The following PRKCE variants were observed in gnomAD, a reference collection of about 807,000 sequenced individuals.
The protein encoded by PRKCE is protein kinase C epsilon type.
Under a neutral mutation model 85.4 loss-of-function variants are expected in PRKCE, and 16 were observed. That is an observed-to-expected ratio of 0.19 (90% CI 0.13 to 0.28). PRKCE has a LOEUF of 0.28. Among genes scored for constraint, PRKCE ranks in the 10% least tolerant of loss-of-function variants. The pLI is 1.00. For synonymous variants in PRKCE, 388 were observed against 371.5 expected, an observed-to-expected ratio of 1.04 and a Z score of -0.51; for missense variants, 573 against 975.2, an observed-to-expected ratio of 0.59 and a Z score of 5.49.
At chr2:46,010,792 C>T (rs1328180994) in intron 10 of PRKCE, 2 of 1,590,906 alleles carry the variant, frequency 1.3e-6, no homozygotes, top group African/African-American at 2.7e-5. Flanking sequence ...ACTGTTTGCT[C>T]ATTGGAAAAA....
chr2:46,146,850 G>C (rs1409081530), intron 12 of PRKCE, among the ~76,000 whole-genome samples: 2 of 152,196 alleles, frequency 1.3e-5, no homozygotes, highest in Admixed American at 1.3e-4. Context: ...CTAGATCATA[G>C]GGTTTCCTGG....
intron 11 of PRKCE, among the ~76,000 whole-genome samples, chr2:46,088,431 C>A (rs1036581498): frequency 6.6e-6 from 1 of 152,154 alleles, no homozygotes; most frequent in African/African-American, 2.4e-5. Flanking sequence ...GTGAAGAAAT[C>A]GCAATTTGAG....
chr2:45,687,462 A>G (rs745852366), intron 1 of PRKCE, among the ~76,000 whole-genome samples: 9 of 152,246 alleles, frequency 5.9e-5, no homozygotes, highest in Non-Finnish European at 1.2e-4. Flanking sequence ...ACATCCATGC[A>G]TAATGGGAAC....
chr2:45,718,689 A>G (rs1339044947), intron 1 of PRKCE, among the ~76,000 whole-genome samples: 1 of 152,100 alleles, frequency 6.6e-6, no homozygotes, highest in African/African-American at 2.4e-5. Flanking sequence ...AGTCAGGAAA[A>G]TTGTGTGTTA....
At chr2:46,144,256 G>C (rs1053890410) in intron 11 of PRKCE, among the ~76,000 whole-genome samples, 1 of 152,152 alleles carries the variant, frequency 6.6e-6, no homozygotes, top group African/African-American at 2.4e-5. Flanking sequence ...TGCCTTCCTT[G>C]CTGCCTCCAG....
At chr2:45,836,675 G>T (rs1248972642) in intron 1 of PRKCE, among the ~76,000 whole-genome samples, 1 of 152,126 alleles carries the variant, frequency 6.6e-6, no homozygotes, top group Non-Finnish European at 1.5e-5. Flanking sequence ...CCCTGCTTTG[G>T]GAACCAGTCC....
At chr2:46,057,758 A>G (rs558255217) in intron 10 of PRKCE, among the ~76,000 whole-genome samples, 1 of 151,970 alleles carries the variant, frequency 6.6e-6, no homozygotes, top group African/African-American at 2.4e-5. Context: ...TTTAATTTGT[A>G]TTTTTTCTCA....
chr2:45,914,203 G>T (rs1019882536), intron 2 of PRKCE, among the ~76,000 whole-genome samples: 1 of 152,210 alleles, frequency 6.6e-6, no homozygotes, highest in Non-Finnish European at 1.5e-5. Flanking sequence ...TAATTAGGAA[G>T]ATAAATTCAT....
chr2:45,835,825 C>A (rs925096690), intron 1 of PRKCE, among the ~76,000 whole-genome samples: 1 of 152,042 alleles, frequency 6.6e-6, no homozygotes, highest in Non-Finnish European at 1.5e-5. Context: ...GAACTCCTGG[C>A]TTGAAGCGAT....
chr2:45,758,753 G>A (rs1457229258), intron 1 of PRKCE, among the ~76,000 whole-genome samples: 1 of 152,156 alleles, frequency 6.6e-6, no homozygotes, highest in Non-Finnish European at 1.5e-5. Flanking sequence ...TATGTCCCCT[G>A]AGCCTAGGAC....
intron 1 of PRKCE, among the ~76,000 whole-genome samples, chr2:45,678,730 C>T (rs137950855): frequency 2.6e-5 from 4 of 151,910 alleles, no homozygotes; most frequent in East Asian, 3.9e-4. Flanking sequence ...AGCTCAGCCT[C>T]GATGGACTCT....
At chr2:45,750,573 A>G (rs1435788832) in intron 1 of PRKCE, among the ~76,000 whole-genome samples, 2 of 152,162 alleles carry the variant, frequency 1.3e-5, no homozygotes, top group African/African-American at 4.8e-5. Context: ...GACTTCTCTG[A>G]GTCTGTCAAG....
At chr2:46,132,541 C>A (rs1286359128) in intron 11 of PRKCE, among the ~76,000 whole-genome samples, 1 of 152,196 alleles carries the variant, frequency 6.6e-6, no homozygotes, top group African/African-American at 2.4e-5. Flanking sequence ...GTAAACTCTA[C>A]CAGATTATGT....
chr2:45,961,533 T>A (rs1701377527), intron 2 of PRKCE, among the ~76,000 whole-genome samples: 1 of 152,186 alleles, frequency 6.6e-6, no homozygotes, highest in South Asian at 2.1e-4. Context: ...TTGGCACATT[T>A]CACACCCTTT....
intron 1 of PRKCE, among the ~76,000 whole-genome samples, chr2:45,832,659 A>G (rs1690530519): frequency 6.6e-6 from 1 of 152,196 alleles, no homozygotes; most frequent in Admixed American, 6.5e-5. Flanking sequence ...ATGACAGCTC[A>G]CAACGTGTTC....
rs1702775554 is a variant in PRKCE at position 45,980,223 on chromosome 2, C to G, written c.608-73C>G. 4.1e-6 allele frequency: 6 copies of G among 1,454,870 alleles called. No homozygotes were observed. In the East Asian group the frequency reaches 9.2e-5, roughly 22 times the overall value. The allele number at this position is 1,454,870 out of a possible 1,614,324, so 90.1% of individuals were successfully genotyped here. On this transcript the variant is annotated intron_variant, in intron 4 of 14. Transcript: ENST00000306156. ...TGGCTCCCCTTGTCACTCCACCAAG[C>G]CCTGAATAGATCCTGGGAGGGACAC...
At chr2:45,736,101 C>T (rs1462002147) in intron 1 of PRKCE, among the ~76,000 whole-genome samples, 1 of 152,138 alleles carries the variant, frequency 6.6e-6, no homozygotes, top group Non-Finnish European at 1.5e-5. Context: ...CCTGGGATTA[C>T]AGGTGTCTGC....
At chr2:45,938,702 T>C (rs1195995044) in intron 2 of PRKCE, among the ~76,000 whole-genome samples, 1 of 151,082 alleles carries the variant, frequency 6.6e-6, no homozygotes, top group Non-Finnish European at 1.5e-5. Flanking sequence ...TATCATGCCT[T>C]ATTCAGCAAC....
chr2:45,840,050 T>A (rs1223294238), intron 1 of PRKCE, among the ~76,000 whole-genome samples: 2 of 152,210 alleles, frequency 1.3e-5, no homozygotes, highest in Non-Finnish European at 2.9e-5. Context: ...TTTGCAAAGA[T>A]GGGCATGGTG....
Sources: gnomAD v4.1 joint callset for allele counts (sites outside exome capture counted in the v4.1 genomes callset) on GRCh38, gnomAD v4.1.1 for gene constraint, MANE v1.5 for transcripts, NCBI Gene and HGNC (gene_info 2026-07-23, HGNC 2026-07-21) for gene names.